The following LEPR variants were observed in gnomAD, a reference collection of about 807,000 sequenced individuals.
LEPR encodes the protein leptin receptor.
LEPR carries 56 observed loss-of-function variants against 114.7 expected under a neutral mutation model. That is an observed-to-expected ratio of 0.49 (90% CI 0.39 to 0.61). LEPR has a LOEUF of 0.61. Among genes scored for constraint, LEPR ranks in the 20% least tolerant of loss-of-function variants. The pLI, the probability that LEPR is intolerant of heterozygous loss-of-function variation, is 0.00. For missense variants in LEPR, 1,202 were observed against 1,352.9 expected (o/e 0.89, Z 1.75); for synonymous variants, 443 against 461.4 (o/e 0.96, Z 0.51).
At chr1:65,620,261 G>A (rs1472785535) in intron 17 of LEPR, among the ~76,000 whole-genome samples, 1 of 151,922 alleles carries the variant, frequency 6.6e-6, no homozygotes, top group East Asian at 1.9e-4. Context: ...ACTGTACTTG[G>A]AATACCAACA....
At chr1:65,596,347 A>G (rs1656062895) in intron 6 of LEPR, 101 bp from the exon 7 acceptor site, 1 of 1,451,434 alleles carries the variant, frequency 6.9e-7, no homozygotes, top group South Asian at 1.2e-5. Flanking sequence ...AAGTACTTGA[A>G]AGGCAAGATA....
rs1646685324 is a variant in LEPR, at chr1:65,444,213, A to T, written c.-21+18835A>T. On this transcript the variant is annotated intron_variant, in intron 2 of 19. Transcript: ENST00000349533. ...ATGAGTGAGAATATGCGGTGTTAAG[A>T]CCTGATACTTTTAAAGTTTGGACAG... 5.3e-5 allele frequency among the ~76,000 whole-genome samples: 8 copies of T among 150,450 alleles called. 2 individuals carry two copies. The South Asian group carries it at 1.5e-3, about 28-fold the overall frequency.
In LEPR at chr1:65,533,724, CT is replaced by C. The variant is rs571975262; in HGVS notation, c.-20-31821del. ...CACTAAGATCAGTTTAAAATAGGTT[CT>C]GATTTTCATATTTCTTTTTGCCCAG... On this transcript the variant is annotated intron_variant, in intron 2 of 19. Coordinates refer to ENST00000349533, the MANE Select transcript of LEPR (RefSeq NM_002303.6). Among the ~76,000 whole-genome samples, 6 of 152,136 alleles carry C rather than the reference CT, an allele frequency of 3.9e-5. No homozygotes were observed. In the South Asian group the frequency reaches 1.2e-3, roughly 31 times the overall value.
At position 65,619,910 on chromosome 1, in the gene LEPR, A is replaced by T; in HGVS notation, c.2396-18A>T. 6.3e-7 allele frequency: 1 copy of T among 1,583,776 alleles called. No homozygotes were observed. The highest frequency in any genetic ancestry group is 8.7e-7 in the Non-Finnish European group (1 of 1,153,122). On this transcript the variant is annotated intron_variant, in intron 16 of 19. Coordinates refer to ENST00000349533, the MANE Select transcript of LEPR (RefSeq NM_002303.6). ...TTAATTTTGTATAAATGAGCCTTTT[A>T]CGTATTTTTCTCCTCAGATCATTTT...
intron 2 of LEPR, among the ~76,000 whole-genome samples, chr1:65,554,929 G>A (rs1217742472): frequency 6.6e-6 from 1 of 152,100 alleles, no homozygotes; most frequent in Non-Finnish European, 1.5e-5. Context: ...TGTCCCTCAC[G>A]GCACAGTCCT....
At chr1:65,505,360 C>T (rs953816622) in intron 2 of LEPR, among the ~76,000 whole-genome samples, 5 of 152,138 alleles carry the variant, frequency 3.3e-5, no homozygotes, top group African/African-American at 1.2e-4. Flanking sequence ...AAGGATATGA[C>T]ATGCATACTC....
rs199913333 is a variant in LEPR, at chr1:65,421,798, C to T, written c.-97+1058C>T. Among the ~76,000 whole-genome samples the T allele has an allele frequency of 7.2e-5, 11 of 152,084 alleles. No homozygotes were observed. In the East Asian group the frequency reaches 1.4e-3, roughly 19 times the overall value. ...TGAAAAGTAGTGTCTCAGTACTACA[C>T]ATGATCAGAAACTACCAAATCATGA... On this transcript the variant is annotated intron_variant, in intron 1 of 19. Coordinates refer to ENST00000349533, the MANE Select transcript of LEPR (RefSeq NM_002303.6).
chr1:65,425,394 A>T lies in LEPR; in HGVS notation c.-21+16A>T. ...AGGATTATGGGTAAGTTATCATTTC[A>T]AAAAGAACTATTCCTCTTTCTGTGT... On this transcript the variant is annotated intron_variant, in intron 2 of 19. Transcript: ENST00000349533. 1 of 1,583,764 alleles carries T rather than the reference A, an allele frequency of 6.3e-7. No homozygotes were observed. The highest frequency in any genetic ancestry group is 8.6e-7 in the Non-Finnish European group (1 of 1,167,080).
At position 65,592,734 on chromosome 1, in the gene LEPR, A is replaced by C. The variant is rs911209771; in HGVS notation, c.572A>C (p.His191Pro). Residue 191 changes from histidine to proline, a missense_variant, in exon 6 of 20, where the codon CAT becomes CCT. Physicochemically the swap from His to Pro is moderately conservative, Grantham distance 77. Transcript: ENST00000349533. ...ATGGTTCACTGCAATTGCAGTGTTCATGAATGTTGTGAATGTCTTGTGCCT... is the reference window on the plus strand; with the variant it reads ...ATGGTTCACTGCAATTGCAGTGTTCCTGAATGTTGTGAATGTCTTGTGCCT... ...FQMVHCNCSV[H>P]ECCECLVPVP... 1 of 1,613,284 alleles carries C rather than the reference A, an allele frequency of 6.2e-7. No homozygotes were observed.
chr1:65,466,844 C>T (rs376892981), intron 2 of LEPR, among the ~76,000 whole-genome samples: 5 of 152,262 alleles, frequency 3.3e-5, no homozygotes, highest in East Asian at 3.9e-4. Flanking sequence ...GCATGCATCA[C>T]GAAGTTCTTG....
At chr1:65,512,758 A>G (rs1398841029) in intron 2 of LEPR, among the ~76,000 whole-genome samples, 2 of 152,064 alleles carry the variant, frequency 1.3e-5, no homozygotes, top group Admixed American at 6.6e-5. Flanking sequence ...TTAGATGTGA[A>G]CTGAAGGAAA....
intron 2 of LEPR, among the ~76,000 whole-genome samples, chr1:65,497,528 G>T (rs899588408): frequency 6.6e-6 from 1 of 152,038 alleles, no homozygotes; most frequent in South Asian, 2.1e-4. Context: ...TGAATGTCAG[G>T]GTCTGCAACT....
At position 65,458,538 on chromosome 1, in the gene LEPR, A is replaced by G. The variant is rs376720718; in HGVS notation, c.-21+33160A>G. 4.6e-5 allele frequency among the ~76,000 whole-genome samples: 7 copies of G among 152,250 alleles called. 1 individual carries two copies. The highest frequency in any genetic ancestry group is 4.8e-5 in the African/African-American group (2 of 41,558). ...TTTTTGAAGAGAATTCCAACGTAAT[A>G]CTTATCCTTGTTCCTCCAGTAGGTA... On this transcript the variant is annotated intron_variant, in intron 2 of 19. Coordinates refer to ENST00000349533, the MANE Select transcript of LEPR (RefSeq NM_002303.6).
intron 2 of LEPR, among the ~76,000 whole-genome samples, chr1:65,500,167 C>T (rs561336027): frequency 6.6e-6 from 1 of 152,192 alleles, no homozygotes. Flanking sequence ...TGTAAGTTTC[C>T]TGAGGCCTCC....
At chr1:65,479,942 A>AAAC (rs1327999295) in intron 2 of LEPR, among the ~76,000 whole-genome samples, 2 of 152,090 alleles carry the variant, frequency 1.3e-5, no homozygotes, top group Non-Finnish European at 2.9e-5. Context: ...ACAAACAAAC[A>AAAC]AAAAAACAAC....
At chr1:65,613,759 C>CAAAAAAA (rs754145031) in intron 14 of LEPR, among the ~76,000 whole-genome samples, 1 of 32,286 alleles carries the variant, frequency 3.1e-5, no homozygotes, top group Non-Finnish European at 5.9e-5. Context: ...GACTCCGTCT[C>CAAAAAAA]AAAAAAAAAA....
chr1:65,484,171 T>C (rs1000486757), intron 2 of LEPR, among the ~76,000 whole-genome samples: 8 of 152,092 alleles, frequency 5.3e-5, no homozygotes, highest in African/African-American at 1.9e-4. Context: ...CACTTTTTTA[T>C]TGTGTGTTTG....
Position 65,570,798 on chromosome 1 carries a change from A to C in LEPR, c.366A>C (p.Gln122His). ...VSTVNSLVFQQIDANWNIQCW... is the reference protein window; with the variant it reads ...VSTVNSLVFQHIDANWNIQCW... ...CAGTAAATTCTTTAGTTTTTCAACAAATAGGTAAGCATTAGCTATGTTTTA... is the reference window on the plus strand; with the variant it reads ...CAGTAAATTCTTTAGTTTTTCAACACATAGGTAAGCATTAGCTATGTTTTA... The change falls in exon 4 of 20, where the codon CAA (glutamine) becomes CAC (histidine). Residue 122 changes from glutamine (Q) to histidine (H), a missense_variant. Physicochemically the swap from Gln to His is conservative, Grantham distance 24. Transcript: ENST00000349533. The C allele has an allele frequency of 1.3e-6, 2 of 1,553,814 alleles. No homozygotes were observed. The highest frequency in any genetic ancestry group is 8.7e-7 in the Non-Finnish European group (1 of 1,152,010).
intron 2 of LEPR, among the ~76,000 whole-genome samples, chr1:65,552,464 T>C (rs1484712317): frequency 6.6e-6 from 1 of 152,200 alleles, no homozygotes; most frequent in Non-Finnish European, 1.5e-5. Context: ...TGTCATGCTC[T>C]TTTTTGTCTT....
Sources: gnomAD v4.1 joint callset for allele counts (sites outside exome capture counted in the v4.1 genomes callset) on GRCh38, gnomAD v4.1.1 for gene constraint, MANE v1.5 for transcripts, NCBI Gene and HGNC (gene_info 2026-07-23, HGNC 2026-07-21) for gene names.